ALCAM: variants seen among roughly 807,000 people sequenced by gnomAD.
ALCAM encodes CD166 antigen.
ALCAM carries 30 observed loss-of-function variants against 70.9 expected under a neutral mutation model. That is an observed-to-expected ratio of 0.42 (90% CI 0.32 to 0.57). The LOEUF (loss-of-function observed/expected upper bound fraction) is 0.57. ALCAM is among the 20% of genes least tolerant of loss of function. The pLI is 0.11. For synonymous variants in ALCAM, 249 were observed against 242.5 expected (o/e 1.03, Z -0.25); for missense variants, 591 against 695.1 (o/e 0.85, Z 1.68).
intron 14 of ALCAM, among the ~76,000 whole-genome samples, chr3:105,557,530 T>C (rs907770951): frequency 7.9e-5 from 12 of 152,294 alleles, no homozygotes; most frequent in African/African-American, 2.9e-4. Flanking sequence ...GTTTCATTTT[T>C]TTAAAAAAGA....
At chr3:105,452,192 T>C (rs1937445171) in intron 1 of ALCAM, among the ~76,000 whole-genome samples, 1 of 152,084 alleles carries the variant, frequency 6.6e-6, no homozygotes, top group African/African-American at 2.4e-5. Context: ...GCTGCACTTA[T>C]TGACCCATCC....
intron 1 of ALCAM, among the ~76,000 whole-genome samples, chr3:105,504,978 T>C (rs1466674634): frequency 1.3e-5 from 2 of 152,192 alleles, no homozygotes; most frequent in East Asian, 3.9e-4. Flanking sequence ...TGGGAAACAT[T>C]AGTGCATATT....
intron 15 of ALCAM, among the ~76,000 whole-genome samples, chr3:105,573,702 G>A (rs1277519071): frequency 6.6e-6 from 1 of 152,148 alleles, no homozygotes; most frequent in Non-Finnish European, 1.5e-5. Context: ...GACTATTAAT[G>A]TGTCCTTTAG....
intron 11 of ALCAM, among the ~76,000 whole-genome samples, chr3:105,548,575 T>C (rs1940311140): frequency 6.6e-6 from 1 of 151,426 alleles, no homozygotes. Flanking sequence ...GCAAAGTGGA[T>C]TTTGGCTCTT....
chr3:105,389,962 A>G (rs896201408), intron 1 of ALCAM, among the ~76,000 whole-genome samples: 7 of 151,924 alleles, frequency 4.6e-5, no homozygotes, highest in Non-Finnish European at 8.8e-5. Flanking sequence ...TGTATGTACC[A>G]CATTTTCTTT....
chr3:105,540,245 T>G, intron 7 of ALCAM, 143 bp downstream of exon 7: 2 of 789,580 alleles, frequency 2.5e-6, no homozygotes, highest in Non-Finnish European at 1.9e-6. Context: ...AAGCTTTTTC[T>G]GCACCTGCCA....
intron 13 of ALCAM, 123 bp from the exon 14 acceptor site, chr3:105,552,345 A>C (rs1339886471): frequency 9.3e-6 from 12 of 1,294,030 alleles, no homozygotes; most frequent in East Asian, 2.3e-5. Context: ...AAAAATCACA[A>C]GTTTGCATGT....
chr3:105,529,800 G>A (rs1032398397), intron 3 of ALCAM, among the ~76,000 whole-genome samples: 14 of 152,098 alleles, frequency 9.2e-5, no homozygotes, highest in African/African-American at 3.4e-4. Context: ...AAGTGTTTAT[G>A]ATTATGGGTG....
chr3:105,570,995 C>T (rs1242867248), intron 14 of ALCAM, among the ~76,000 whole-genome samples: 1 of 152,074 alleles, frequency 6.6e-6, no homozygotes, highest in Non-Finnish European at 1.5e-5. Context: ...ATACAGCTAC[C>T]ATTTGTTCTG....
At chr3:105,507,134 T>C (rs1167333916) in intron 1 of ALCAM, among the ~76,000 whole-genome samples, 1 of 152,138 alleles carries the variant, frequency 6.6e-6, no homozygotes, top group Non-Finnish European at 1.5e-5. Flanking sequence ...ATGGAAAAAT[T>C]TGAGTGGAAA....
chr3:105,509,771 G>C (rs1439022324), intron 1 of ALCAM, among the ~76,000 whole-genome samples: 1 of 151,728 alleles, frequency 6.6e-6, no homozygotes, highest in Non-Finnish European at 1.5e-5. Flanking sequence ...CTGTGCTTTT[G>C]GTGTCTTATC....
intron 14 of ALCAM, among the ~76,000 whole-genome samples, chr3:105,564,943 G>T (rs1940710609): frequency 6.6e-6 from 1 of 152,164 alleles, no homozygotes; most frequent in Non-Finnish European, 1.5e-5. Context: ...CTATGCAGGA[G>T]GCTGAGAACC....
At chr3:105,540,808 A>G (rs1576231017) in intron 7 of ALCAM, among the ~76,000 whole-genome samples, 1 of 152,024 alleles carries the variant, frequency 6.6e-6, no homozygotes, top group Non-Finnish European at 1.5e-5. Context: ...TTGTGCTTAC[A>G]AATTTCATCT....
chr3:105,463,196 A>G (rs1937628107), intron 1 of ALCAM, among the ~76,000 whole-genome samples: 1 of 151,464 alleles, frequency 6.6e-6, no homozygotes, highest in Non-Finnish European at 1.5e-5. Flanking sequence ...CCAAAGGACC[A>G]TTCCAGTATT....
At position 105,539,629 on chromosome 3, in the gene ALCAM, C is replaced by T. The variant is rs564109070; in HGVS notation, c.731-346C>T. Reference sequence around the variant, plus strand: ...TTTTGTCCTTCCAAACTATAAGATTCATATAATATATAATTAAATTTCCCT... The same window carrying T: ...TTTTGTCCTTCCAAACTATAAGATTTATATAATATATAATTAAATTTCCCT... On this transcript the variant is annotated intron_variant, in intron 6 of 15. Transcript: ENST00000306107. Among the ~76,000 whole-genome samples, 32 of 152,126 alleles carry T rather than the reference C, an allele frequency of 2.1e-4. No homozygotes were observed. The East Asian group carries it at 5.4e-3, about 26-fold the overall frequency.
chr3:105,533,319 T>C (rs1939887443), intron 4 of ALCAM, among the ~76,000 whole-genome samples: 1 of 152,158 alleles, frequency 6.6e-6, no homozygotes, highest in Non-Finnish European at 1.5e-5. Flanking sequence ...AGTGTCAAAA[T>C]GAATTTGGCA....
chr3:105,564,403 T>C (rs1940700041), intron 14 of ALCAM, among the ~76,000 whole-genome samples: 1 of 152,176 alleles, frequency 6.6e-6, no homozygotes, highest in Admixed American at 6.5e-5. Context: ...AAATTAAAAA[T>C]TATGAGAAAA....
intron 1 of ALCAM, among the ~76,000 whole-genome samples, chr3:105,419,707 A>G (rs1187251072): frequency 6.6e-6 from 1 of 151,828 alleles, no homozygotes; most frequent in East Asian, 1.9e-4. Context: ...GTCCCAAAGG[A>G]GTCTTATTTT....
chr3:105,545,815 A>G (rs552931740), intron 9 of ALCAM, among the ~76,000 whole-genome samples: 61 of 151,560 alleles, frequency 4.0e-4, no homozygotes, highest in African/African-American at 1.4e-3. Flanking sequence ...GACCTTACTG[A>G]GTATGAATAC....
Sources: gnomAD v4.1 joint callset for allele counts (sites outside exome capture counted in the v4.1 genomes callset) on GRCh38, gnomAD v4.1.1 for gene constraint, MANE v1.5 for transcripts, NCBI Gene and HGNC (gene_info 2026-07-23, HGNC 2026-07-21) for gene names.